The following DACH2 variants were observed in gnomAD, a reference collection of about 807,000 sequenced individuals.
DACH2 encodes dachshund family transcription factor 2.
Under a neutral mutation model 35.8 loss-of-function variants are expected in DACH2, and 17 were observed. The observed-to-expected ratio is 0.48, with a 90% confidence interval of 0.33 to 0.71. The LOEUF is 0.71. Among genes scored for constraint, DACH2 ranks in the 30% least tolerant of loss-of-function variants. DACH2 has a pLI of 0.02. For missense variants in DACH2, 469 were observed against 472.7 expected (o/e 0.99, Z 0.07); for synonymous variants, 195 against 177.3 (o/e 1.10, Z -0.79).
chrX:86,748,423 G>A (rs2147268689), intron 7 of DACH2, among the ~76,000 whole-genome samples: 1 of 112,095 alleles, frequency 8.9e-6, no homozygotes, highest in Non-Finnish European at 1.9e-5. Flanking sequence ...TTACATAGCT[G>A]CAGAATGTAT....
chrX:86,580,762 C>A (rs1250234672), intron 3 of DACH2, among the ~76,000 whole-genome samples: 1 of 111,918 alleles, frequency 8.9e-6, no homozygotes, highest in Non-Finnish European at 1.9e-5. Context: ...ATCTAGCACT[C>A]ATTAGTGCCC....
chrX:86,493,192 C>T (rs2038118828), intron 2 of DACH2, among the ~76,000 whole-genome samples: 1 of 110,700 alleles, frequency 9.0e-6, no homozygotes, highest in African/African-American at 3.3e-5. Flanking sequence ...GATGGCATCT[C>T]CTTGTGGTTT....
chrX:86,394,233 T>A (rs68124714), intron 2 of DACH2, among the ~76,000 whole-genome samples: 4,552 of 110,197 alleles, frequency 0.041, 104 homozygotes, highest in East Asian at 0.23. Flanking sequence ...TCTGGCTTAC[T>A]CATCTTTTCC....
At position 86,697,086 on chromosome X, in the gene DACH2, A is replaced by G. The variant is rs1178205906; in HGVS notation, c.931+1907A>G. Among the ~76,000 whole-genome samples, 4 of 111,581 alleles carry G rather than the reference A, an allele frequency of 3.6e-5. No homozygotes were observed. The East Asian group carries it at 1.1e-3, about 32-fold the overall frequency. On this transcript the variant is annotated intron_variant, in intron 5 of 11. Coordinates refer to ENST00000373125, the MANE Select transcript of DACH2 (RefSeq NM_053281.3). ...CCAGCAGCCTTAAGCCTCCTGTCTC[A>G]CCTAAGGACTTATGGGAGCTAAAAA...
chrX:86,719,971 C>T (rs1470746398), intron 6 of DACH2, among the ~76,000 whole-genome samples: 1 of 87,889 alleles, frequency 1.1e-5, no homozygotes. Context: ...TGGAGTCTCT[C>T]TCTGTCGCCC....
At chrX:86,801,487 GAGA>G (rs2042293952) in intron 7 of DACH2, among the ~76,000 whole-genome samples, 1 of 112,255 alleles carries the variant, frequency 8.9e-6, no homozygotes, top group African/African-American at 3.2e-5. Flanking sequence ...GCGTGAACAA[GAGA>G]AGGAGATGAC....
chrX:86,739,723 C>A (rs1004077046), intron 6 of DACH2, 24 bp from the exon 7 acceptor site: 33 of 1,162,893 alleles, frequency 2.8e-5, no homozygotes, highest in Middle Eastern at 3.0e-4. Flanking sequence ...ATGACATTTC[C>A]TTTTGTGTTT....
At chrX:86,668,422 T>A (rs1156345019) in intron 4 of DACH2, among the ~76,000 whole-genome samples, 6 of 112,400 alleles carry the variant, frequency 5.3e-5, no homozygotes, top group Admixed American at 3.8e-4. Flanking sequence ...AAATTTATAG[T>A]CTCTAAGTAC....
intron 4 of DACH2, among the ~76,000 whole-genome samples, chrX:86,664,227 G>A (rs868723885): frequency 4.5e-5 from 5 of 111,632 alleles, no homozygotes; most frequent in Admixed American, 3.8e-4. Flanking sequence ...TTTTCCTAGT[G>A]TAGATGCTGA....
intron 2 of DACH2, among the ~76,000 whole-genome samples, chrX:86,443,691 A>G (rs993324897): frequency 9.0e-6 from 1 of 111,138 alleles, no homozygotes; most frequent in Non-Finnish European, 1.9e-5. Context: ...GTTCCTTGTA[A>G]TCCTAGTGTG....
At chrX:86,289,386 G>A (rs1160366325) in intron 1 of DACH2, among the ~76,000 whole-genome samples, 5 of 105,225 alleles carry the variant, frequency 4.8e-5, no homozygotes, top group African/African-American at 6.9e-5. Context: ...TAGCTGCCTC[G>A]GTTGGTGTCT....
intron 7 of DACH2, among the ~76,000 whole-genome samples, chrX:86,786,651 C>T (rs1228425261): frequency 8.9e-6 from 1 of 112,224 alleles, no homozygotes; most frequent in African/African-American, 3.2e-5. Flanking sequence ...TAACATTTTT[C>T]TGTTAAGATT....
intron 3 of DACH2, among the ~76,000 whole-genome samples, chrX:86,581,186 A>G (rs1442404916): frequency 8.9e-6 from 1 of 111,804 alleles, no homozygotes; most frequent in Non-Finnish European, 1.9e-5. Flanking sequence ...GCTAAGGGCA[A>G]TTTTACCACC....
chrX:86,221,059 T>C (rs112186710), intron 1 of DACH2, among the ~76,000 whole-genome samples: 1,202 of 111,688 alleles, frequency 0.011, 11 homozygotes, highest in African/African-American at 0.036. Flanking sequence ...AGCTTTTTAG[T>C]TTGATGTAGT....
At chrX:86,456,856 A>G (rs952519296) in intron 2 of DACH2, among the ~76,000 whole-genome samples, 3 of 110,997 alleles carry the variant, frequency 2.7e-5, no homozygotes, top group Non-Finnish European at 1.9e-5. Flanking sequence ...GATAGGATAC[A>G]TAATTCTATG....
chrX:86,359,084 C>T (rs372700760), intron 1 of DACH2, among the ~76,000 whole-genome samples: 1 of 98,514 alleles, frequency 1.0e-5, no homozygotes, highest in Non-Finnish European at 2.0e-5. Context: ...TATATTTTGT[C>T]GTGTGTGTGT....
At chrX:86,321,464 A>G (rs769312936) in intron 1 of DACH2, among the ~76,000 whole-genome samples, 1 of 111,764 alleles carries the variant, frequency 8.9e-6, no homozygotes, top group Non-Finnish European at 1.9e-5. Flanking sequence ...TTCAACAAGG[A>G]CAGTTTAGAA....
chrX:86,594,625 T>C (rs2148352580), intron 3 of DACH2, among the ~76,000 whole-genome samples: 1 of 111,885 alleles, frequency 8.9e-6, no homozygotes, highest in African/African-American at 3.2e-5. Context: ...TATTGGGGTT[T>C]TCCAGGTATT....
intron 1 of DACH2, among the ~76,000 whole-genome samples, chrX:86,159,240 C>A (rs1335302088): frequency 9.0e-6 from 1 of 110,947 alleles, no homozygotes; most frequent in African/African-American, 3.3e-5. Context: ...CAATATTATG[C>A]CAAAAATTAA....
Sources: allele counts gnomAD v4.1 joint callset (sites outside exome capture counted in the v4.1 genomes callset), GRCh38; gene constraint gnomAD v4.1.1; transcripts MANE v1.5; gene names NCBI Gene and HGNC (gene_info 2026-07-23, HGNC 2026-07-21).